The following TRANK1 variants were observed in gnomAD, a reference collection of about 807,000 sequenced individuals.
TRANK1 encodes the protein TPR and ankyrin repeat-containing protein 1.
TRANK1 carries 198 observed loss-of-function variants against 266.0 expected under a neutral mutation model. The observed-to-expected ratio is 0.74, with a 90% CI of 0.66 to 0.84. TRANK1 has a LOEUF of 0.84. Ranked by LOEUF, TRANK1 falls within the 40% of genes least tolerant of loss-of-function variation. The pLI is 0.00. For synonymous variants in TRANK1, 1,396 were observed against 1,384.1 expected (o/e 1.01, Z -0.19); for missense variants, 3,326 against 3,634.6 (o/e 0.92, Z 2.18).
Position 36,828,271 on chromosome 3 carries a change from G to A in TRANK1, c.*4C>T. On this transcript the variant is annotated 3_prime_UTR_variant, in exon 24 of 24. Coordinates refer to ENST00000645898, the MANE Select transcript of TRANK1 (RefSeq NM_001329998.2). ...AGGATGAGGAGGCTGCAGCTGTGTG[G>A]ACATTAGTATTTTCTCTGCTTTCCA... 1.2e-6 allele frequency: 2 copies of A among 1,606,220 alleles called. No homozygotes were observed. Among genetic ancestry groups the A allele is most frequent in the Non-Finnish European group, 1.7e-6 (2 of 1,174,908 alleles).
Position 36,889,977 on chromosome 3 carries a change from T to C in TRANK1, c.776-17A>G. On this transcript the variant is annotated splice_polypyrimidine_tract_variant and intron_variant, in intron 7 of 23. Transcript: ENST00000645898. ...GGTTTTCTCCTGAAGGGAATTAAAA[T>C]GACTTACTAATGTTTTCCACATACA... 1 of 1,535,636 alleles carries C rather than the reference T, an allele frequency of 6.5e-7. No homozygotes were observed. Among genetic ancestry groups the C allele is most frequent in the Non-Finnish European group, 8.7e-7 (1 of 1,146,208 alleles).
In TRANK1 at chr3:36,831,942, G is replaced by C. The variant is rs370409552; in HGVS notation, c.7641C>G (p.Ala2547=). ...ENVNFNVLLD[A]FSEIDYVVSG... is the part of the protein sequence containing the mutation. ...AGACCACATAGTCTATTTCACTGAAGGCATCAAGCAGGACGTTGAAGTTCA... is the reference window on the plus strand; with the variant it reads ...AGACCACATAGTCTATTTCACTGAACGCATCAAGCAGGACGTTGAAGTTCA... The change falls in exon 22 of 24, where the codon GCC becomes GCG. Residue 2547 remains alanine, a synonymous_variant. Transcript: ENST00000645898. This position sits in a 1 kb window ranked among gnomAD's most constrained non-coding sequence, Gnocchi z 5.0. 10 of 1,613,912 alleles carry C rather than the reference G, an allele frequency of 6.2e-6. No individual in the cohort carries two copies. The highest frequency in any genetic ancestry group is 7.6e-6 in the Non-Finnish European group (9 of 1,179,918).
intron 1 of TRANK1, among the ~76,000 whole-genome samples, chr3:36,929,883 A>ATTGTTGTTGTTGTTGTTGTTGTTG (rs201004320): frequency 6.7e-6 from 1 of 148,940 alleles, no homozygotes; most frequent in East Asian, 2.0e-4. Context: ...GATGCAGCAG[A>ATTGTTGTTGTTGTTGTTGTTGTTG]TTGTTGTTGT....
intron 5 of TRANK1, among the ~76,000 whole-genome samples, chr3:36,894,270 A>G (rs2079755461): frequency 6.6e-6 from 1 of 152,158 alleles, no homozygotes. Context: ...CCACACTGGG[A>G]AGAGAGGACA....
chr3:36,834,525 C>G (rs1296144323), intron 21 of TRANK1: 3 of 453,452 alleles, frequency 6.6e-6, no homozygotes, highest in Non-Finnish European at 1.2e-5. Context: ...AACATACTCC[C>G]ATCCCCCTCA....
At chr3:36,887,727 T>C (rs962429097) in intron 8 of TRANK1, among the ~76,000 whole-genome samples, 49 of 152,226 alleles carry the variant, frequency 3.2e-4, no homozygotes, top group Non-Finnish European at 6.5e-4. Flanking sequence ...ACACCCCTGA[T>C]TATACCAAGG....
chr3:36,850,596 A>AT, intron 15 of TRANK1: 3 of 779,458 alleles, frequency 3.8e-6, no homozygotes, highest in Non-Finnish European at 4.7e-6. Context: ...CAGCAAGACC[A>AT]TATCTCTATA....
chr3:36,903,679 A>C (rs1442346876), intron 2 of TRANK1, among the ~76,000 whole-genome samples: 3 of 152,184 alleles, frequency 2.0e-5, no homozygotes, highest in Non-Finnish European at 2.9e-5. Context: ...TGTAGACCAA[A>C]GGGGATGCAA....
chr3:36,841,430 T>A (rs1222780625), intron 18 of TRANK1, among the ~76,000 whole-genome samples: 1 of 152,072 alleles, frequency 6.6e-6, no homozygotes, highest in African/African-American at 2.4e-5. Context: ...GGTAGAGAAA[T>A]CTTAGGGAAA....
intron 7 of TRANK1, among the ~76,000 whole-genome samples, chr3:36,890,728 CT>C (rs1479312639): frequency 6.6e-6 from 1 of 152,128 alleles, no homozygotes; most frequent in Non-Finnish European, 1.5e-5. Flanking sequence ...AGACTCCTTC[CT>C]TGGAGTTCCT....
rs2079831771 is a variant in TRANK1 at position 36,898,772 on chromosome 3, A to C, written c.433+337T>G. On this transcript the variant is annotated intron_variant, in intron 4 of 23. Transcript: ENST00000645898. Reference sequence around the variant, plus strand: ...AGGCTGAGGCAGGAGGATCACTTGAACCCGGGAGGCAGAGCTTGCAGTGAG... The same window carrying C: ...AGGCTGAGGCAGGAGGATCACTTGACCCCGGGAGGCAGAGCTTGCAGTGAG... 2.0e-5 allele frequency among the ~76,000 whole-genome samples: 3 copies of C among 150,098 alleles called. No individual in the cohort carries two copies. In the South Asian group the frequency reaches 6.3e-4, roughly 32 times the overall value.
intron 19 of TRANK1, 33 bp from the exon 20 acceptor site, chr3:36,838,537 G>A (rs754657787): frequency 1.3e-5 from 21 of 1,613,788 alleles, no homozygotes; most frequent in East Asian, 6.7e-5. Flanking sequence ...ATATTTCCAC[G>A]GAACATTGAC....
At chr3:36,877,153 T>A (rs1458485406) in intron 8 of TRANK1, among the ~76,000 whole-genome samples, 1 of 152,238 alleles carries the variant, frequency 6.6e-6, no homozygotes, top group African/African-American at 2.4e-5. Context: ...ATAAACCCAG[T>A]GTTCAGGCAA....
chr3:36,878,231 TCTAA>T (rs1182471105), intron 8 of TRANK1, among the ~76,000 whole-genome samples: 2 of 152,182 alleles, frequency 1.3e-5, no homozygotes, highest in East Asian at 3.8e-4. Flanking sequence ...CTCTTGAGAA[TCTAA>T]CTAATGCCTG....
At chr3:36,938,092 G>C (rs2080447135) in intron 1 of TRANK1, among the ~76,000 whole-genome samples, 1 of 152,240 alleles carries the variant, frequency 6.6e-6, no homozygotes, top group Non-Finnish European at 1.5e-5. Context: ...AGGGTCTGGA[G>C]GTGTCCAGGA....
intron 2 of TRANK1, among the ~76,000 whole-genome samples, chr3:36,903,492 C>T (rs1178328598): frequency 6.6e-6 from 1 of 152,250 alleles, no homozygotes; most frequent in Admixed American, 6.5e-5. Context: ...ACTCTGCTCC[C>T]GTCTTTTAAT....
At position 36,900,851 on chromosome 3, in the gene TRANK1, C is replaced by CAAAAAAAAAAAAAAAAAAAAAAAAAAA. The variant is rs138198488; in HGVS notation, c.283-1593_283-1592insTTTTTTTTTTTTTTTTTTTTTTTTTTT. Among the ~76,000 whole-genome samples the CAAAAAAAAAAAAAAAAAAAAAAAAAAA allele has an allele frequency of 2.2e-3, 140 of 62,984 alleles. 16 individuals are homozygous for CAAAAAAAAAAAAAAAAAAAAAAAAAAA. The highest frequency in any genetic ancestry group is 3.2e-3 in the Admixed American group (17 of 5,314). The allele number at this position is 62,984 out of a possible 152,430, so 41.3% of individuals were successfully genotyped here. A position where few individuals can be genotyped will look rare whatever the true frequency, so the allele number is the denominator to read the frequency against. Reference sequence around the variant, plus strand: ...TGGGTGACAAAGCAAGACCCTGTCTCAAAAAAAAAAAAAAAAAAAAAAAAA... The same window carrying CAAAAAAAAAAAAAAAAAAAAAAAAAAA: ...TGGGTGACAAAGCAAGACCCTGTCTCAAAAAAAAAAAAAAAAAAAAAAAAAAAAAAAAAAAAAAAAAAAAAAAAAAAA... On this transcript the variant is annotated intron_variant, in intron 3 of 23. Coordinates refer to ENST00000645898, the MANE Select transcript of TRANK1 (RefSeq NM_001329998.2).
chr3:36,877,031 A>T (rs572355041), intron 8 of TRANK1, among the ~76,000 whole-genome samples: 1 of 152,342 alleles, frequency 6.6e-6, no homozygotes, highest in Admixed American at 6.5e-5. Flanking sequence ...AAGATTTCTA[A>T]GGCCCAACTG....
chr3:36,917,938 A>T (rs2080149302), intron 1 of TRANK1, among the ~76,000 whole-genome samples: 1 of 152,200 alleles, frequency 6.6e-6, no homozygotes, highest in Non-Finnish European at 1.5e-5. Context: ...GCTATAATGA[A>T]AAAATGCTTG....
Sources: allele counts gnomAD v4.1 joint callset (sites outside exome capture counted in the v4.1 genomes callset), GRCh38; gene constraint gnomAD v4.1.1; non-coding constraint Gnocchi (gnomAD v3.1); transcripts MANE v1.5; gene names NCBI Gene and HGNC (gene_info 2026-07-23, HGNC 2026-07-21).